The following TSPAN9 variants were observed in gnomAD, a reference collection of about 807,000 sequenced individuals.
The protein encoded by TSPAN9 is tetraspanin 9, also known as tetraspanin-9.
Under a neutral mutation model 31.0 loss-of-function variants are expected in TSPAN9, and 16 were observed. The observed-to-expected ratio is 0.52, with a 90% confidence interval of 0.35 to 0.78. TSPAN9 has a LOEUF of 0.78. TSPAN9 is among the 30% of genes least tolerant of loss of function. TSPAN9 has a pLI of 0.01. For missense variants in TSPAN9, 272 were observed against 312.5 expected (o/e 0.87, Z 0.98); for synonymous variants, 145 against 121.6 (o/e 1.19, Z -1.27).
At chr12:3,152,813 C>A (rs2098340474) in intron 2 of TSPAN9, among the ~76,000 whole-genome samples, 1 of 152,212 alleles carries the variant, frequency 6.6e-6, no homozygotes, top group Non-Finnish European at 1.5e-5. Flanking sequence ...GTCTTGAACT[C>A]CTGACCTCAG....
At chr12:3,259,125 G>A (rs78646247) in intron 3 of TSPAN9, among the ~76,000 whole-genome samples, 1 of 152,188 alleles carries the variant, frequency 6.6e-6, no homozygotes, top group Non-Finnish European at 1.5e-5. Flanking sequence ...TTTTCATTTT[G>A]TATGTGAGGA....
intron 3 of TSPAN9, among the ~76,000 whole-genome samples, chr12:3,228,638 C>T (rs900966636): frequency 1.6e-4 from 24 of 152,236 alleles, no homozygotes; most frequent in Admixed American, 4.6e-4. Flanking sequence ...TGCAGAGCAG[C>T]GCCCCGTTCT....
chr12:3,139,850 A>G (rs993369543), intron 2 of TSPAN9, among the ~76,000 whole-genome samples: 1 of 152,156 alleles, frequency 6.6e-6, no homozygotes, highest in Non-Finnish European at 1.5e-5. Context: ...GCCTGGCCTC[A>G]GATAGCTTTT....
At chr12:3,137,594 A>T (rs891152082) in intron 2 of TSPAN9, among the ~76,000 whole-genome samples, 1 of 152,026 alleles carries the variant, frequency 6.6e-6, no homozygotes. Context: ...TTCCAGCCAG[A>T]TGGAGGAGGG....
At chr12:3,237,765 T>A (rs1349646984) in intron 3 of TSPAN9, among the ~76,000 whole-genome samples, 1 of 152,204 alleles carries the variant, frequency 6.6e-6, no homozygotes, top group African/African-American at 2.4e-5. Context: ...CCCCCTTCCC[T>A]TCCGAAGCCA....
intron 3 of TSPAN9, among the ~76,000 whole-genome samples, chr12:3,226,067 G>T (rs970122373): frequency 6.6e-6 from 1 of 152,010 alleles, no homozygotes; most frequent in Non-Finnish European, 1.5e-5. Context: ...CTCTCCTGCC[G>T]AAGTCTGTAG....
intron 2 of TSPAN9, among the ~76,000 whole-genome samples, chr12:3,104,340 GTTTTT>G (rs57135855): frequency 6.8e-6 from 1 of 146,312 alleles, no homozygotes; most frequent in South Asian, 2.2e-4. Flanking sequence ...ACTAATAACT[GTTTTT>G]TTTTTTTAAT....
chr12:3,261,152 C>T lies in TSPAN9; in HGVS notation c.64-17269C>T, dbSNP rs115431120. Among the ~76,000 whole-genome samples the T allele has an allele frequency of 4.5e-3, 684 of 152,088 alleles. 5 individuals carry two copies. The highest frequency in any genetic ancestry group is 0.015 in the African/African-American group (635 of 41,464). On this transcript the variant is annotated intron_variant, in intron 3 of 8. Coordinates refer to ENST00000011898, the MANE Select transcript of TSPAN9 (RefSeq NM_006675.5). ...GGAAGAGGTGGCTGCAGGAGATTTGCGGGGATGTGGCCTAAGGATTAGCAG... is the reference window on the plus strand; with the variant it reads ...GGAAGAGGTGGCTGCAGGAGATTTGTGGGGATGTGGCCTAAGGATTAGCAG...
intron 2 of TSPAN9, among the ~76,000 whole-genome samples, chr12:3,130,374 C>T (rs1475389842): frequency 1.1e-4 from 17 of 152,226 alleles, no homozygotes; most frequent in Admixed American, 9.8e-4. Context: ...TTCTTGTTCG[C>T]GTCAGCTACT....
At chr12:3,184,078 A>G (rs10848818) in intron 2 of TSPAN9, among the ~76,000 whole-genome samples, 30,951 of 152,044 alleles carry the variant, frequency 0.2, 3,472 homozygotes, top group Middle Eastern at 0.33. Context: ...GACGGCCCAT[A>G]GCTTCTGGGA....
intron 2 of TSPAN9, among the ~76,000 whole-genome samples, chr12:3,101,932 C>T (rs115791915): frequency 0.011 from 1,741 of 152,236 alleles, 35 homozygotes; most frequent in African/African-American, 0.037. Flanking sequence ...TCTGTTCATC[C>T]GCTCCTTTCT....
chr12:3,151,708 A>G (rs2098339818), intron 2 of TSPAN9, among the ~76,000 whole-genome samples: 1 of 152,086 alleles, frequency 6.6e-6, no homozygotes. Context: ...GCAGCCTCCA[A>G]CGTGAAATGT....
intron 2 of TSPAN9, among the ~76,000 whole-genome samples, chr12:3,103,061 G>A (rs922939702): frequency 3.3e-5 from 5 of 152,214 alleles, no homozygotes; most frequent in African/African-American, 1.2e-4. Context: ...CTTGGGGGAT[G>A]TCAAGACAGT....
At chr12:3,235,796 G>A (rs1286999484) in intron 3 of TSPAN9, among the ~76,000 whole-genome samples, 1 of 152,270 alleles carries the variant, frequency 6.6e-6, no homozygotes, top group Non-Finnish European at 1.5e-5. Flanking sequence ...ACTCCAGCCA[G>A]TGGCACCTTC....
chr12:3,187,733 G>A lies in TSPAN9; in HGVS notation c.-17-13444G>A, dbSNP rs1239437970. ...TTGGCTTGCGGTATTCAGGCACGCA[G>A]GCCTCTCTCTCCTCTGTCCTCATTC... On this transcript the variant is annotated intron_variant, in intron 2 of 8. Coordinates refer to ENST00000011898, the MANE Select transcript of TSPAN9 (RefSeq NM_006675.5). This position sits in a 1 kb window ranked among gnomAD's most constrained non-coding sequence, Gnocchi z 5.2. Among the ~76,000 whole-genome samples the A allele has an allele frequency of 1.3e-5, 2 of 152,038 alleles. No individual in the cohort carries two copies. The highest frequency in any genetic ancestry group is 2.9e-5 in the Non-Finnish European group (2 of 68,022).
At chr12:3,223,967 A>G (rs1056574710) in intron 3 of TSPAN9, among the ~76,000 whole-genome samples, 8 of 152,190 alleles carry the variant, frequency 5.3e-5, no homozygotes, top group South Asian at 4.1e-4. Context: ...GCATCTGGAC[A>G]CGGGAAAGCT....
At chr12:3,130,023 C>T (rs1469746387) in intron 2 of TSPAN9, among the ~76,000 whole-genome samples, 3 of 152,190 alleles carry the variant, frequency 2.0e-5, no homozygotes, top group Non-Finnish European at 2.9e-5. Flanking sequence ...CGTGGATCAC[C>T]GATGTGTGGG....
At chr12:3,189,875 A>G (rs2098363389) in intron 2 of TSPAN9, among the ~76,000 whole-genome samples, 1 of 152,138 alleles carries the variant, frequency 6.6e-6, no homozygotes, top group Non-Finnish European at 1.5e-5. Flanking sequence ...CAGAGGCCAC[A>G]AGTGACTTAA....
chr12:3,230,576 G>A (rs1340482908), intron 3 of TSPAN9, among the ~76,000 whole-genome samples: 5 of 152,126 alleles, frequency 3.3e-5, no homozygotes, highest in South Asian at 2.1e-4. Context: ...CCCACGGAGC[G>A]CTCTTCAACA....
Sources: gnomAD v4.1 joint callset for allele counts (sites outside exome capture counted in the v4.1 genomes callset) on GRCh38, gnomAD v4.1.1 for gene constraint, Gnocchi (gnomAD v3.1) non-coding constraint, MANE v1.5 for transcripts, NCBI Gene and HGNC (gene_info 2026-07-23, HGNC 2026-07-21) for gene names.